Variants in ZNF274 observed in about 807,000 individuals in gnomAD.
ZNF274 encodes the protein zinc finger protein 274, also known as neurotrophin receptor-interacting factor homolog.
ZNF274 carries 23 observed loss-of-function variants against 42.5 expected under a neutral mutation model. That is an observed-to-expected ratio of 0.54 (90% CI 0.39 to 0.77). The LOEUF (loss-of-function observed/expected upper bound fraction) is 0.77, where lower values mean the gene tolerates loss of function less well. Ranked by LOEUF, ZNF274 falls within the 30% of genes least tolerant of loss-of-function variation. The pLI is 0.00. For missense variants in ZNF274, 679 were observed against 806.5 expected (o/e 0.84, Z 1.91); for synonymous variants, 292 against 305.4 (o/e 0.96, Z 0.46).
intron 4 of ZNF274, among the ~76,000 whole-genome samples, chr19:58,204,577 C>T (rs260415): frequency 0.7 from 106,777 of 151,874 alleles, 37,857 homozygotes; most frequent in African/African-American, 0.78. Flanking sequence ...ATGCTTCCGC[C>T]CGAGCTTTTT....
chr19:58,204,285 G>A (rs2075953876), intron 4 of ZNF274, among the ~76,000 whole-genome samples: 2 of 152,108 alleles, frequency 1.3e-5, no homozygotes, highest in South Asian at 4.2e-4. Flanking sequence ...CCCGTGTCTC[G>A]GAGGCTGCTG....
At chr19:58,206,657 A>G (rs2146241345) in intron 4 of ZNF274, 63 bp from the exon 5 acceptor site, 1 of 1,481,854 alleles carries the variant, frequency 6.7e-7, no homozygotes, top group East Asian at 2.5e-5. Flanking sequence ...CTAGTGAATA[A>G]TGGCGTTGAG....
intron 4 of ZNF274, among the ~76,000 whole-genome samples, chr19:58,206,234 G>A (rs924616382): frequency 2.0e-5 from 3 of 152,146 alleles, no homozygotes; most frequent in Non-Finnish European, 2.9e-5. Context: ...CACCTGTGTT[G>A]TAGCATATAT....
At chr19:58,183,823 A>C (rs1047151369) in intron 1 of ZNF274, 98 bp from the exon 2 acceptor site, 2 of 784,334 alleles carry the variant, frequency 2.5e-6, no homozygotes, top group Non-Finnish European at 4.1e-6. Context: ...TGGACTTGTC[A>C]TTTCCCGCTG....
At chr19:58,209,888 C>T in intron 5 of ZNF274, 73 bp from the exon 6 acceptor site, 1 of 1,063,204 alleles carries the variant, frequency 9.4e-7, no homozygotes. Flanking sequence ...CCATGGGTTG[C>T]AGAGAGGCCA....
intron 4 of ZNF274, among the ~76,000 whole-genome samples, chr19:58,193,554 G>C (rs533546435): frequency 7.5e-5 from 11 of 146,356 alleles, no homozygotes; most frequent in Non-Finnish European, 1.3e-4. Context: ...CTGGGTTCAA[G>C]TGATTCTCCT....
intron 4 of ZNF274, among the ~76,000 whole-genome samples, chr19:58,197,813 T>A (rs1218618603): frequency 6.6e-6 from 1 of 152,236 alleles, no homozygotes; most frequent in Non-Finnish European, 1.5e-5. Flanking sequence ...AAACATGTTT[T>A]GGCTGGAATT....
Position 58,206,755 on chromosome 19 carries a change from C to T in ZNF274, c.292C>T (p.Pro98Ser). The T allele has an allele frequency of 3.7e-6, 6 of 1,604,030 alleles. No homozygotes were observed. Among genetic ancestry groups the T allele is most frequent in the Non-Finnish European group, 5.1e-6 (6 of 1,175,366 alleles). ...PELQLDPKLD[P>S]LPAESPLMNI... ...GCTCCAGCTGGACCCTAAATTGGATCCTCTTCCTGCTGAGAGTCCCCTAAT... is the reference window on the plus strand; with the variant it reads ...GCTCCAGCTGGACCCTAAATTGGATTCTCTTCCTGCTGAGAGTCCCCTAAT... The change falls in exon 5 of 8, where the codon CCT (proline) becomes TCT (serine). Residue 98 changes from proline to serine, a missense_variant. By Grantham distance (74) the Pro-to-Ser change is moderately conservative. This residue lies in a region of ZNF274 where 223 missense variants were observed against 216.4 expected (regional missense o/e 1.03). Coordinates refer to ENST00000617501, the MANE Select transcript of ZNF274 (RefSeq NM_133502.3).
At chr19:58,185,567 C>G (rs1361829837) in intron 2 of ZNF274, 145 bp from the exon 3 acceptor site, 1 of 812,190 alleles carries the variant, frequency 1.2e-6, no homozygotes, top group Non-Finnish European at 1.8e-6. Context: ...CAGACAAAGA[C>G]AGGAACTCAG....
intron 4 of ZNF274, among the ~76,000 whole-genome samples, chr19:58,196,303 G>A (rs147359302): frequency 0.014 from 2,108 of 152,348 alleles, 76 homozygotes; most frequent in Admixed American, 0.069. Flanking sequence ...GCTCATGCCT[G>A]TAATTGCAGC....
At chr19:58,189,703 A>G (rs551394150) in intron 4 of ZNF274, among the ~76,000 whole-genome samples, 16 of 152,310 alleles carry the variant, frequency 1.1e-4, no homozygotes, top group African/African-American at 3.6e-4. Context: ...TCATTGAGAA[A>G]ATCTTGTTGG....
intron 4 of ZNF274, among the ~76,000 whole-genome samples, chr19:58,204,489 G>A (rs2075957383): frequency 6.6e-6 from 1 of 152,098 alleles, no homozygotes; most frequent in East Asian, 1.9e-4. Context: ...TCCTGAGTGC[G>A]CGATGACGGA....
At chr19:58,188,605 C>CAAA (rs1163562490) in intron 4 of ZNF274, among the ~76,000 whole-genome samples, 4 of 48,830 alleles carry the variant, frequency 8.2e-5, no homozygotes, top group Admixed American at 2.7e-4. Context: ...GACTCCATCT[C>CAAA]AAAAAAAAAA....
At chr19:58,190,015 TG>T (rs1360607827) in intron 4 of ZNF274, among the ~76,000 whole-genome samples, 1 of 151,252 alleles carries the variant, frequency 6.6e-6, no homozygotes, top group Non-Finnish European at 1.5e-5. Flanking sequence ...CCCAGCTGCT[TG>T]GGAGGCTGAG....
chr19:58,193,802 T>C (rs890300776), intron 4 of ZNF274, among the ~76,000 whole-genome samples: 1 of 152,110 alleles, frequency 6.6e-6, no homozygotes, highest in African/African-American at 2.4e-5. Context: ...GCTGCATCCC[T>C]GTAGTCCCAG....
At position 58,186,959 on chromosome 19, in the gene ZNF274, C is replaced by T; in HGVS notation, c.173C>T (p.Ser58Phe). The change falls in exon 4 of 8, where the codon TCC (serine) becomes TTC (phenylalanine). Residue 58 changes from serine (S) to phenylalanine (F), a missense_variant. This residue lies in a region of ZNF274 where 223 missense variants were observed against 216.4 expected (regional missense o/e 1.03). Transcript: ENST00000617501. ...RNLVSVEHQL[S>F]KPDVVSQLEE... ...TTCCTTTGAGCAGAACATCAGCTTTCCAAACCAGATGTGGTATCTCAGTTA... is the reference window on the plus strand; with the variant it reads ...TTCCTTTGAGCAGAACATCAGCTTTTCAAACCAGATGTGGTATCTCAGTTA... 1 of 1,613,610 alleles carries T rather than the reference C, an allele frequency of 6.2e-7. No individual in the cohort carries two copies. Among genetic ancestry groups the T allele is most frequent in the Non-Finnish European group, 8.5e-7 (1 of 1,179,742 alleles).
intron 4 of ZNF274, among the ~76,000 whole-genome samples, chr19:58,201,051 C>G (rs1045932244): frequency 6.6e-6 from 1 of 151,278 alleles, no homozygotes; most frequent in African/African-American, 2.4e-5. Context: ...CTCACCTAGG[C>G]GGTAGTACAG....
rs1369285358 is a variant in ZNF274 at position 58,211,511 on chromosome 19, C to G, written c.853-49C>G. On this transcript the variant is annotated intron_variant, in intron 6 of 7. Coordinates refer to ENST00000617501, the MANE Select transcript of ZNF274 (RefSeq NM_133502.3). The surrounding 1 kb of genome is among the most constrained non-coding windows in gnomAD (Gnocchi z 4.8). ...CTGGCCTTTCTTCTGCCCTCATTGACAACCCTCTGACCCTCTTGCTGAGCA... is the reference window on the plus strand; with the variant it reads ...CTGGCCTTTCTTCTGCCCTCATTGAGAACCCTCTGACCCTCTTGCTGAGCA... 1 of 1,566,946 alleles carries G rather than the reference C, an allele frequency of 6.4e-7. No homozygotes were observed. The highest frequency in any genetic ancestry group is 1.2e-5 in the South Asian group (1 of 85,132).
chr19:58,196,137 T>C (rs1190818184), intron 4 of ZNF274, among the ~76,000 whole-genome samples: 2 of 152,222 alleles, frequency 1.3e-5, no homozygotes, highest in African/African-American at 4.8e-5. Context: ...TATGTGGCTC[T>C]TGGGTGGAAT....
Sources: allele counts gnomAD v4.1 joint callset (sites outside exome capture counted in the v4.1 genomes callset), GRCh38; gene constraint gnomAD v4.1.1; regional missense constraint gnomAD v4.1.1; non-coding constraint Gnocchi (gnomAD v3.1); transcripts MANE v1.5; gene names NCBI Gene and HGNC (gene_info 2026-07-23, HGNC 2026-07-21).